The following IL1RAPL1 variants were observed in gnomAD, a reference collection of about 807,000 sequenced individuals.
IL1RAPL1 encodes the protein interleukin-1 receptor accessory protein-like 1.
In IL1RAPL1, 3 loss-of-function variants were observed where a neutral mutation model predicts 48.4. The ratio of observed to expected loss-of-function variants is 0.06; its 90% CI spans 0.03 to 0.16. The LOEUF is 0.16. Ranked by LOEUF, IL1RAPL1 falls within the 10% of genes least tolerant of loss-of-function variation. The pLI, the probability that IL1RAPL1 is intolerant of heterozygous loss-of-function variation, is 1.00. For missense variants in IL1RAPL1, 349 were observed against 530.6 expected (o/e 0.66, Z 3.36); for synonymous variants, 185 against 187.7 (o/e 0.99, Z 0.12).
chrX:29,127,483 G>T (rs1928921531), intron 2 of IL1RAPL1, among the ~76,000 whole-genome samples: 1 of 111,837 alleles, frequency 8.9e-6, no homozygotes, highest in Non-Finnish European at 1.9e-5. Context: ...TGCTAATTAT[G>T]CCCAAAAGTA....
At chrX:29,209,818 A>G (rs1160964925) in intron 2 of IL1RAPL1, among the ~76,000 whole-genome samples, 2 of 112,338 alleles carry the variant, frequency 1.8e-5, no homozygotes, top group African/African-American at 6.5e-5. Context: ...GTAGTAACAG[A>G]TGGATAGGCA....
At chrX:29,023,341 A>C (rs1163831872) in intron 2 of IL1RAPL1, among the ~76,000 whole-genome samples, 2 of 112,393 alleles carry the variant, frequency 1.8e-5, no homozygotes, top group Non-Finnish European at 3.8e-5. Flanking sequence ...TACATAATGC[A>C]TTATTAGGAT....
intron 6 of IL1RAPL1, among the ~76,000 whole-genome samples, chrX:29,718,270 C>A (rs749004876): frequency 1.8e-5 from 2 of 110,777 alleles, no homozygotes; most frequent in African/African-American, 3.3e-5. Context: ...GAATACTATG[C>A]AGCTATAAAA....
At chrX:29,297,192 G>A (rs1003823201) in intron 3 of IL1RAPL1, among the ~76,000 whole-genome samples, 1 of 112,309 alleles carries the variant, frequency 8.9e-6, no homozygotes, top group Non-Finnish European at 1.9e-5. Flanking sequence ...AATAAAGAAA[G>A]AATAAAGCAT....
chrX:29,515,424 T>C (rs774606827), intron 5 of IL1RAPL1, among the ~76,000 whole-genome samples: 1 of 112,042 alleles, frequency 8.9e-6, no homozygotes, highest in East Asian at 2.8e-4. Context: ...TGTCACTCTC[T>C]CCTTATCTCT....
intron 8 of IL1RAPL1, among the ~76,000 whole-genome samples, chrX:29,925,410 C>CTTTTTTTTTTT (rs1569204989): frequency 1.6e-4 from 1 of 6,075 alleles, no homozygotes; most frequent in Non-Finnish European, 4.2e-4. Context: ...TGTCCCGTAA[C>CTTTTTTTTTTT]TGTTTTTTTT....
intron 5 of IL1RAPL1, among the ~76,000 whole-genome samples, chrX:29,446,238 A>G (rs1279010899): frequency 1.8e-5 from 2 of 112,004 alleles, no homozygotes; most frequent in Admixed American, 1.9e-4. Flanking sequence ...AGCTGGTTAA[A>G]CATTGAAAAA....
At chrX:29,443,972 C>T (rs930860420) in intron 5 of IL1RAPL1, among the ~76,000 whole-genome samples, 9 of 112,372 alleles carry the variant, frequency 8.0e-5, no homozygotes, top group African/African-American at 2.9e-4. Context: ...AAGCAAGTTA[C>T]ATGGGCAAGC....
intron 1 of IL1RAPL1, among the ~76,000 whole-genome samples, chrX:28,751,202 C>G (rs1226769790): frequency 1.8e-5 from 2 of 111,830 alleles, no homozygotes; most frequent in Non-Finnish European, 3.8e-5. Context: ...AGCTTTTGCA[C>G]TACCTCAGAA....
intron 2 of IL1RAPL1, among the ~76,000 whole-genome samples, chrX:28,931,699 ATAAT>A (rs1306843498): frequency 8.9e-6 from 1 of 111,900 alleles, no homozygotes; most frequent in African/African-American, 3.2e-5. Context: ...ATAAAAATAA[ATAAT>A]AGCCATGCAA....
At chrX:29,722,691 A>G (rs1927667564) in intron 6 of IL1RAPL1, among the ~76,000 whole-genome samples, 1 of 111,851 alleles carries the variant, frequency 8.9e-6, no homozygotes, top group African/African-American at 3.3e-5. Flanking sequence ...ACATTGTGAT[A>G]TCTGCTGCTT....
At chrX:29,784,315 T>G (rs1929438211) in intron 6 of IL1RAPL1, among the ~76,000 whole-genome samples, 1 of 111,687 alleles carries the variant, frequency 9.0e-6, no homozygotes, top group Admixed American at 9.5e-5. Context: ...CTACTAGATA[T>G]CCCATCACTA....
chrX:29,399,587 A>C (rs111286320), intron 5 of IL1RAPL1, among the ~76,000 whole-genome samples: 2 of 111,369 alleles, frequency 1.8e-5, no homozygotes, highest in African/African-American at 6.5e-5. Context: ...TTGGGAGGCC[A>C]AGGTGGGCGA....
intron 6 of IL1RAPL1, among the ~76,000 whole-genome samples, chrX:29,839,071 C>T (rs982880613): frequency 1.8e-5 from 2 of 112,119 alleles, no homozygotes; most frequent in Non-Finnish European, 3.8e-5. Flanking sequence ...GTTCCATTGG[C>T]AAAATGGCCA....
At chrX:28,667,055 A>G (rs1271187692) in intron 1 of IL1RAPL1, among the ~76,000 whole-genome samples, 3 of 111,895 alleles carry the variant, frequency 2.7e-5, no homozygotes, top group Non-Finnish European at 3.8e-5. Flanking sequence ...TTTTAGGCCT[A>G]ATTTTAAATT....
chrX:29,435,533 G>A (rs1251314336), intron 5 of IL1RAPL1, among the ~76,000 whole-genome samples: 2 of 110,822 alleles, frequency 1.8e-5, no homozygotes, highest in South Asian at 3.7e-4. Flanking sequence ...TAGTGAATGC[G>A]AAGTGGTACC....
rs754746545 is a variant in IL1RAPL1 at position 28,959,247 on chromosome X, G to A, written c.82+169822G>A. ...GTTCAGTACAAACTATTCATAACTT[G>A]CTCTTTTTACATGCAAGGAAACATT... On this transcript the variant is annotated intron_variant, in intron 2 of 10. Transcript: ENST00000378993. Among the ~76,000 whole-genome samples, 4 of 111,152 alleles carry A rather than the reference G, an allele frequency of 3.6e-5. No homozygotes were observed. In the South Asian group the frequency reaches 1.5e-3, roughly 42 times the overall value.
At chrX:28,677,132 T>C (rs1460074177) in intron 1 of IL1RAPL1, among the ~76,000 whole-genome samples, 3 of 112,066 alleles carry the variant, frequency 2.7e-5, no homozygotes, top group Non-Finnish European at 5.6e-5. Flanking sequence ...GAGACAGATA[T>C]GTTATTAAAA....
At chrX:28,793,567 G>T (rs764838974) in intron 2 of IL1RAPL1, among the ~76,000 whole-genome samples, 8 of 111,686 alleles carry the variant, frequency 7.2e-5, no homozygotes, top group African/African-American at 1.6e-4. Context: ...CATTCAAAGA[G>T]GTTAGCATAG....
Sources: allele counts gnomAD v4.1 joint callset (sites outside exome capture counted in the v4.1 genomes callset), GRCh38; gene constraint gnomAD v4.1.1; transcripts MANE v1.5; gene names NCBI Gene and HGNC (gene_info 2026-07-23, HGNC 2026-07-21).